The following FGF14 variants were observed in gnomAD, a reference collection of about 807,000 sequenced individuals.
FGF14 encodes the protein fibroblast growth factor homologous factor 4.
In FGF14, 5 loss-of-function variants were observed where a neutral mutation model predicts 25.5. That is an observed-to-expected ratio of 0.20 (90% CI 0.10 to 0.41). The LOEUF is 0.41. FGF14 is among the 10% of genes least tolerant of loss of function. The pLI is 1.00. For synonymous variants in FGF14, 138 were observed against 118.3 expected (o/e 1.17, Z -1.08); for missense variants, 222 against 320.1 (o/e 0.69, Z 2.34).
At chr13:102,157,972 T>C (rs1246491127) in intron 1 of FGF14, among the ~76,000 whole-genome samples, 1 of 152,138 alleles carries the variant, frequency 6.6e-6, no homozygotes, top group Admixed American at 6.6e-5. Context: ...CATAATGAGA[T>C]ACCATCTCAC....
At chr13:102,233,850 C>T (rs1838638238) in intron 1 of FGF14, among the ~76,000 whole-genome samples, 1 of 152,196 alleles carries the variant, frequency 6.6e-6, no homozygotes, top group South Asian at 2.1e-4. Context: ...CCTCTATTTG[C>T]ATCATGCTGA....
intron 3 of FGF14, among the ~76,000 whole-genome samples, chr13:101,843,423 G>A (rs1308697218): frequency 6.6e-6 from 1 of 151,960 alleles, no homozygotes; most frequent in Non-Finnish European, 1.5e-5. Flanking sequence ...TGGGGGGCAG[G>A]CCAATGCCTC....
chr13:102,310,999 T>C (rs2055732761), intron 1 of FGF14, among the ~76,000 whole-genome samples: 1 of 151,998 alleles, frequency 6.6e-6, no homozygotes, highest in African/African-American at 2.4e-5. Flanking sequence ...TGATCAGCTG[T>C]GTCCCATATG....
At chr13:102,082,906 C>A (rs2043703347) in intron 1 of FGF14, among the ~76,000 whole-genome samples, 1 of 151,736 alleles carries the variant, frequency 6.6e-6, no homozygotes, top group Non-Finnish European at 1.5e-5. Flanking sequence ...TGCAGTGAGC[C>A]GAGATCCCGC....
rs201904326 is a variant in FGF14, at chr13:102,160,757, T to G, written c.208+240714A>C. Among the ~76,000 whole-genome samples the G allele has an allele frequency of 8.5e-5, 13 of 152,154 alleles. No individual in the cohort carries two copies. The East Asian group carries it at 2.5e-3, about 29-fold the overall frequency. ...GGATAAAGGAGAATTCCAGAGATAG[T>G]AGGGCTTGGAGAAGAAGACTGAATG... On this transcript the variant is annotated intron_variant, in intron 1 of 4. Transcript: ENST00000376131.
At chr13:102,199,520 C>T (rs887157468) in intron 1 of FGF14, among the ~76,000 whole-genome samples, 80 of 152,250 alleles carry the variant, frequency 5.3e-4, no homozygotes, top group African/African-American at 1.9e-3. Flanking sequence ...AGTCATGGAG[C>T]CAGAAACCCA....
chr13:102,003,216 A>T (rs2139748936), intron 1 of FGF14: 1 of 152,350 alleles, frequency 6.6e-6, no homozygotes, highest in South Asian at 2.1e-4. Context: ...CCCAGTTGAA[A>T]CGACTGTGCT....
intron 1 of FGF14, among the ~76,000 whole-genome samples, chr13:102,080,032 C>A (rs1298698822): frequency 2.0e-5 from 3 of 152,060 alleles, no homozygotes; most frequent in Non-Finnish European, 4.4e-5. Flanking sequence ...ATTCATGACG[C>A]ACCGGGCAAG....
At chr13:102,262,454 A>C (rs1304734007) in intron 1 of FGF14, among the ~76,000 whole-genome samples, 3 of 151,832 alleles carry the variant, frequency 2.0e-5, no homozygotes, top group Non-Finnish European at 2.9e-5. Context: ...CTGGTGCTAC[A>C]ATTCCTATCA....
At chr13:101,787,964 CA>C (rs1457534439) in intron 3 of FGF14, among the ~76,000 whole-genome samples, 1 of 152,184 alleles carries the variant, frequency 6.6e-6, no homozygotes, top group Admixed American at 6.6e-5. Flanking sequence ...CTCCGCCTCC[CA>C]GGTTCAAGTG....
intron 1 of FGF14, among the ~76,000 whole-genome samples, chr13:101,915,238 A>G (rs970920626): frequency 2.0e-5 from 3 of 151,236 alleles, no homozygotes; most frequent in African/African-American, 7.3e-5. Context: ...ATTAGCCTTT[A>G]AAAAAAAAGC....
intron 1 of FGF14, among the ~76,000 whole-genome samples, chr13:102,141,444 C>T (rs1487196159): frequency 1.3e-5 from 2 of 152,104 alleles, no homozygotes; most frequent in African/African-American, 2.4e-5. Context: ...AGTTTATGAA[C>T]GAATGCAGCA....
intron 1 of FGF14, among the ~76,000 whole-genome samples, chr13:102,344,817 T>C (rs1300560302): frequency 6.6e-6 from 1 of 152,228 alleles, no homozygotes; most frequent in East Asian, 1.9e-4. Context: ...GCAAAGAGCA[T>C]TTTATATAGA....
chr13:102,218,086 A>G (rs2050451181), intron 1 of FGF14, among the ~76,000 whole-genome samples: 1 of 152,148 alleles, frequency 6.6e-6, no homozygotes, highest in Admixed American at 6.5e-5. Context: ...TACTAGCACA[A>G]TCTGCCTTGG....
At chr13:102,265,396 G>T (rs2052938576) in intron 1 of FGF14, among the ~76,000 whole-genome samples, 1 of 152,084 alleles carries the variant, frequency 6.6e-6, no homozygotes, top group Non-Finnish European at 1.5e-5. Flanking sequence ...ATGCACTGTT[G>T]TCGATCTCCA....
chr13:102,308,934 AC>A (rs2055566244), intron 1 of FGF14, among the ~76,000 whole-genome samples: 2 of 139,712 alleles, frequency 1.4e-5, no homozygotes, highest in Middle Eastern at 3.8e-3. Context: ...AAAAAAAAAA[AC>A]ACAAAAAAAA....
chr13:102,149,127 C>T (rs2046974237), intron 1 of FGF14, among the ~76,000 whole-genome samples: 1 of 151,778 alleles, frequency 6.6e-6, no homozygotes, highest in Non-Finnish European at 1.5e-5. Flanking sequence ...ACAGAAATAT[C>T]TAAGGCAGCA....
At chr13:102,213,380 T>C (rs1195388969) in intron 1 of FGF14, among the ~76,000 whole-genome samples, 1 of 152,220 alleles carries the variant, frequency 6.6e-6, no homozygotes, top group African/African-American at 2.4e-5. Flanking sequence ...CTTGTGATTC[T>C]CAAAGCACTT....
chr13:102,134,842 G>A (rs1402199761), intron 1 of FGF14, among the ~76,000 whole-genome samples: 2 of 152,144 alleles, frequency 1.3e-5, no homozygotes, highest in Non-Finnish European at 2.9e-5. Context: ...GTCCCTTCTA[G>A]ATTCTTAAAC....
Sources: allele counts gnomAD v4.1 joint callset (sites outside exome capture counted in the v4.1 genomes callset), GRCh38; gene constraint gnomAD v4.1.1; transcripts MANE v1.5; gene names NCBI Gene and HGNC (gene_info 2026-07-23, HGNC 2026-07-21).